DNAJC13: variants seen among roughly 807,000 people sequenced by gnomAD.
DNAJC13 encodes DnaJ heat shock protein family (Hsp40) member C13, also known as dnaJ homolog subfamily C member 13.
In DNAJC13, 75 loss-of-function variants were observed where a neutral mutation model predicts 290.5. The ratio of observed to expected loss-of-function variants is 0.26; its 90% confidence interval spans 0.21 to 0.31. DNAJC13 has a LOEUF of 0.31. DNAJC13 is among the 10% of genes least tolerant of loss of function. DNAJC13 has a pLI of 1.00. For missense variants in DNAJC13, 2,260 were observed against 2,674.5 expected (o/e 0.85, Z 3.42); for synonymous variants, 862 against 892.0 (o/e 0.97, Z 0.60).
intron 19 of DNAJC13, among the ~76,000 whole-genome samples, chr3:132,466,649 T>C (rs1487988844): frequency 6.6e-6 from 1 of 152,192 alleles, no homozygotes; most frequent in Non-Finnish European, 1.5e-5. Context: ...TTATGAATAG[T>C]GGTCATTTTA....
chr3:132,503,497 T>G, intron 41 of DNAJC13, 116 bp downstream of exon 41: 1 of 1,231,210 alleles, frequency 8.1e-7, no homozygotes. Context: ...TTCACATGTT[T>G]GTTCTCTCAA....
chr3:132,430,720 A>C lies in DNAJC13; in HGVS notation c.-13-3818A>C, dbSNP rs554952783. Among the ~76,000 whole-genome samples, 109 of 152,236 alleles carry C rather than the reference A, an allele frequency of 7.2e-4. 1 individual carries two copies. The highest frequency in any genetic ancestry group is 1.2e-3 in the Non-Finnish European group (81 of 68,006). On this transcript the variant is annotated intron_variant, in intron 1 of 55. Transcript: ENST00000260818. ...GGGAAAAATATCCGTACACCTATAT[A>C]TCTCTCTCTCTCCCTTTTTTGGTGA...
chr3:132,423,940 A>G (rs1939027203), intron 1 of DNAJC13, among the ~76,000 whole-genome samples: 1 of 152,194 alleles, frequency 6.6e-6, no homozygotes, highest in Non-Finnish European at 1.5e-5. Context: ...CCTGTTTACC[A>G]TAGTAGAGCA....
At position 132,461,186 on chromosome 3, in the gene DNAJC13, C is replaced by A; in HGVS notation, c.1694C>A (p.Thr565Asn). The A allele has an allele frequency of 6.2e-7, 1 of 1,613,956 alleles. No individual in the cohort carries two copies. Among genetic ancestry groups the A allele is most frequent in the Non-Finnish European group, 8.5e-7 (1 of 1,179,940 alleles). Residue 565 changes from threonine (T) to asparagine (N), a missense_variant, in exon 15 of 56, where the codon ACC (threonine) becomes AAC (asparagine). By Grantham distance (65) the Thr-to-Asn change is moderately conservative. Transcript: ENST00000260818. ...LLEMVASNGR[T>N]LFKLFQHPSM... ...GAGATGGTAGCATCCAATGGAAGAACCCTTTTTAAACTTTTTCAGGTGAGA... is the reference window on the plus strand; with the variant it reads ...GAGATGGTAGCATCCAATGGAAGAAACCTTTTTAAACTTTTTCAGGTGAGA...
chr3:132,436,882 A>C (rs1371920192), intron 2 of DNAJC13, among the ~76,000 whole-genome samples: 2 of 143,230 alleles, frequency 1.4e-5, no homozygotes, highest in South Asian at 2.3e-4. Flanking sequence ...TTTTTATTTT[A>C]CTTTTTTTTT....
intron 1 of DNAJC13, among the ~76,000 whole-genome samples, chr3:132,427,896 T>G (rs1222271464): frequency 6.6e-6 from 1 of 152,240 alleles, no homozygotes; most frequent in Non-Finnish European, 1.5e-5. Context: ...TCAGAAACTT[T>G]TGTTCAAAGT....
chr3:132,453,824 A>T, intron 8 of DNAJC13, 130 bp downstream of exon 8: 3 of 798,162 alleles, frequency 3.8e-6, no homozygotes, highest in Non-Finnish European at 6.0e-6. Context: ...TTAACTCTTA[A>T]CATATTTATA....
At chr3:132,491,074 G>T in intron 32 of DNAJC13, 23 bp downstream of exon 32, 1 of 1,563,260 alleles carries the variant, frequency 6.4e-7, no homozygotes, top group South Asian at 1.2e-5. Flanking sequence ...TTGACTGATT[G>T]ATTTGTATTT....
At chr3:132,503,105 G>A in intron 40 of DNAJC13, 109 bp from the exon 41 acceptor site, 1 of 1,201,898 alleles carries the variant, frequency 8.3e-7, no homozygotes, top group Non-Finnish European at 1.1e-6. Flanking sequence ...TTTGTTGGTT[G>A]ACTTTTTACT....
chr3:132,421,671 C>T (rs1008310283), intron 1 of DNAJC13, among the ~76,000 whole-genome samples: 2 of 151,458 alleles, frequency 1.3e-5, no homozygotes, highest in East Asian at 3.9e-4. Flanking sequence ...AACTCCTGAC[C>T]TCAAGTGATC....
intron 25 of DNAJC13, among the ~76,000 whole-genome samples, chr3:132,479,796 A>G (rs551829697): frequency 3.2e-4 from 49 of 152,278 alleles, no homozygotes; most frequent in Non-Finnish European, 4.7e-4. Context: ...TATAACATTA[A>G]TTCACAATTT....
intron 1 of DNAJC13, among the ~76,000 whole-genome samples, chr3:132,431,768 T>C (rs1453691487): frequency 6.6e-6 from 1 of 152,112 alleles, no homozygotes; most frequent in Non-Finnish European, 1.5e-5. Flanking sequence ...ATGGATAAAA[T>C]AGGTATATCC....
In DNAJC13 at chr3:132,499,816, T is replaced by C; in HGVS notation, c.4416+8T>C. On this transcript the variant is annotated splice_region_variant and intron_variant, in intron 38 of 55. Coordinates refer to ENST00000260818, the MANE Select transcript of DNAJC13 (RefSeq NM_015268.4). ...AGTGACATGTCAGTACAGGTGAGGC[T>C]AAAACCTGTGGTTCCAAGAAAATTG... 1 of 1,611,510 alleles carries C rather than the reference T, an allele frequency of 6.2e-7. No individual in the cohort carries two copies. The highest frequency in any genetic ancestry group is 8.5e-7 in the Non-Finnish European group (1 of 1,178,668).
rs73217978 is a variant in DNAJC13, at chr3:132,530,136, G to C, written c.6526-862G>C. Among the ~76,000 whole-genome samples the C allele has an allele frequency of 2.1e-3, 327 of 152,188 alleles. 2 individuals are homozygous for C. Among genetic ancestry groups the C allele is most frequent in the African/African-American group, 7.5e-3 (310 of 41,514 alleles). Reference sequence around the variant, plus strand: ...TCACTTCCACTACTGCTTCTTTCCCGGGTTGGAGCAGGTGCCCCCCTCCCT... The same window carrying C: ...TCACTTCCACTACTGCTTCTTTCCCCGGTTGGAGCAGGTGCCCCCCTCCCT... On this transcript the variant is annotated intron_variant, in intron 54 of 55. Transcript: ENST00000260818.
rs534965726 is a variant in DNAJC13, at chr3:132,457,617, A to G, written c.1449+249A>G. On this transcript the variant is annotated intron_variant, in intron 13 of 55. Coordinates refer to ENST00000260818, the MANE Select transcript of DNAJC13 (RefSeq NM_015268.4). ...TTGTTGACAGTCTGGTAAGGTAGGCATATCTGTACAAGGTAAGGTAGTAGG... is the reference window on the plus strand; with the variant it reads ...TTGTTGACAGTCTGGTAAGGTAGGCGTATCTGTACAAGGTAAGGTAGTAGG... 66 of 409,402 alleles carry G rather than the reference A, an allele frequency of 1.6e-4. No individual in the cohort carries two copies. In the South Asian group the frequency reaches 2.1e-3, roughly 13 times the overall value. The allele number at this position is 409,402 out of a possible 1,614,324, so 25.4% of individuals were successfully genotyped here. A position where few individuals can be genotyped will look rare whatever the true frequency, so the allele number is the denominator to read the frequency against.
At chr3:132,516,519 A>G in intron 47 of DNAJC13, 23 bp downstream of exon 47, 1 of 1,609,646 alleles carries the variant, frequency 6.2e-7, no homozygotes, top group Non-Finnish European at 8.5e-7. Flanking sequence ...GTGCTTTCTT[A>G]GCTAGTCATG....
At chr3:132,446,420 T>G (rs1933245660) in intron 2 of DNAJC13, 55 bp from the exon 3 acceptor site, 10 of 1,257,974 alleles carry the variant, frequency 7.9e-6, no homozygotes, top group Non-Finnish European at 1.1e-5. Context: ...ATATATTTTC[T>G]TATAAAATAT....
rs138786084 is a variant in DNAJC13 at position 132,537,036 on chromosome 3, T to A, written c.6626-1140T>A. 3 of 441,218 alleles carry A rather than the reference T, an allele frequency of 6.8e-6. No individual in the cohort carries two copies. In the East Asian group the frequency reaches 2.1e-4, roughly 31 times the overall value. The allele number at this position is 441,218 out of a possible 1,614,324, so 27.3% of individuals were successfully genotyped here. On this transcript the variant is annotated intron_variant, in intron 55 of 55. Coordinates refer to ENST00000260818, the MANE Select transcript of DNAJC13 (RefSeq NM_015268.4). The stretch of plus-strand genomic sequence containing the variant: ...AATACTTTTAAGGTCAAAAACAAGA[T>A]GAATCTGAATGGTGGCCTTTTTGTC...
rs202112309 is a variant in DNAJC13, at chr3:132,538,262, G to T, written c.6712G>T (p.Asp2238Tyr). The change falls in exon 56 of 56, where the codon GAC (aspartate) becomes TAC (tyrosine). Residue 2238 changes from aspartate (D) to tyrosine (Y), a missense_variant. Transcript: ENST00000260818. Reference protein sequence around the residue: ...LPPPVDHEAGDLGYQT With the variant: ...LPPPVDHEAGYLGYQT ...ACCTCCTGTAGACCATGAGGCAGGCGACCTTGGCTATCAGACTTGAAATAT... is the reference window on the plus strand; with the variant it reads ...ACCTCCTGTAGACCATGAGGCAGGCTACCTTGGCTATCAGACTTGAAATAT... 1 of 1,613,610 alleles carries T rather than the reference G, an allele frequency of 6.2e-7. No homozygotes were observed. Among genetic ancestry groups the T allele is most frequent in the Admixed American group, 1.7e-5 (1 of 59,980 alleles).
Sources: gnomAD v4.1 joint callset for allele counts (sites outside exome capture counted in the v4.1 genomes callset) on GRCh38, gnomAD v4.1.1 for gene constraint, MANE v1.5 for transcripts, NCBI Gene and HGNC (gene_info 2026-07-23, HGNC 2026-07-21) for gene names.